The following PIP5K1A variants were observed in gnomAD, a reference collection of about 807,000 sequenced individuals.
PIP5K1A encodes the protein phosphatidylinositol 4-phosphate 5-kinase type-1 alpha.
PIP5K1A carries 46 observed loss-of-function variants against 72.9 expected under a neutral mutation model. That is an observed-to-expected ratio of 0.63 (90% CI 0.50 to 0.81). PIP5K1A has a LOEUF of 0.81. PIP5K1A is among the 30% of genes least tolerant of loss of function. PIP5K1A has a pLI of 0.00. For synonymous variants in PIP5K1A, 228 were observed against 255.1 expected (o/e 0.89, Z 1.01); for missense variants, 458 against 706.1 (o/e 0.65, Z 3.98).
At position 151,249,292 on chromosome 1, in the gene PIP5K1A, C is replaced by G. The variant is rs1692889780; in HGVS notation, c.*1427C>G. 2 of 151,582 alleles carry G rather than the reference C, an allele frequency of 1.3e-5. No homozygotes were observed. The highest frequency in any genetic ancestry group is 1.3e-4 in the Admixed American group (2 of 15,226). The allele number at this position is 151,582 out of a possible 1,614,324, so 9.4% of individuals were successfully genotyped here. A position where few individuals can be genotyped will look rare whatever the true frequency, so the allele number is the denominator to read the frequency against. Reference sequence around the variant, plus strand: ...TTTTACAAGAAGGAAAGAATTCTTGCTATTTTTTTTTCATAATTTACTATT... The same window carrying G: ...TTTTACAAGAAGGAAAGAATTCTTGGTATTTTTTTTTCATAATTTACTATT... On this transcript the variant is annotated 3_prime_UTR_variant, in exon 16 of 16. Transcript: ENST00000368888.
intron 7 of PIP5K1A, 94 bp downstream of exon 7, chr1:151,232,797 T>A (rs1229166499): frequency 8.7e-7 from 1 of 1,148,910 alleles, no homozygotes; most frequent in Non-Finnish European, 1.3e-6. Context: ...TGTCAGCACT[T>A]CTATCTTAAG....
Position 151,221,023 on chromosome 1 carries a change from A to G in PIP5K1A, c.86-3222A>G, listed in dbSNP as rs587643159. ...CTTTGCTTCTCAAGGCTCTTTTCTC[A>G]GAAATGTCTTTTTATGGTTTCTTTT... On this transcript the variant is annotated intron_variant, in intron 1 of 15. Coordinates refer to ENST00000368888, the MANE Select transcript of PIP5K1A (RefSeq NM_001135638.2). 3.9e-5 allele frequency among the ~76,000 whole-genome samples: 6 copies of G among 152,304 alleles called. No individual in the cohort carries two copies. The South Asian group carries it at 1.2e-3, about 32-fold the overall frequency.
intron 1 of PIP5K1A, among the ~76,000 whole-genome samples, chr1:151,212,940 G>C (rs903574715): frequency 1.5e-4 from 22 of 146,508 alleles, no homozygotes; most frequent in Admixed American, 2.8e-4. Context: ...GCCCAGGCTG[G>C]AGTGCAGTGG....
At chr1:151,211,246 G>A (rs587652104) in intron 1 of PIP5K1A, among the ~76,000 whole-genome samples, 1 of 152,182 alleles carries the variant, frequency 6.6e-6, no homozygotes, top group African/African-American at 2.4e-5. Context: ...CAGCACTTTG[G>A]GGGGCTGAGG....
intron 1 of PIP5K1A, among the ~76,000 whole-genome samples, chr1:151,208,760 T>G (rs1319302131): frequency 8.5e-6 from 1 of 117,838 alleles, no homozygotes; most frequent in African/African-American, 3.4e-5. Flanking sequence ...GGAGACGGAG[T>G]CTTGCTCTGT....
At chr1:151,239,420 G>A (rs1168560277) in intron 11 of PIP5K1A, among the ~76,000 whole-genome samples, 5 of 151,702 alleles carry the variant, frequency 3.3e-5, no homozygotes, top group African/African-American at 7.3e-5. Context: ...CCACAGGCGC[G>A]TGCCACCACG....
chr1:151,225,783 CTTTTTT>C (rs1438226810), intron 3 of PIP5K1A, among the ~76,000 whole-genome samples: 1 of 143,378 alleles, frequency 7.0e-6, no homozygotes, highest in African/African-American at 2.5e-5. Context: ...TTTCTTTTTT[CTTTTTT>C]TTTTTGAGAC....
In PIP5K1A at chr1:151,218,430, A is replaced by G. The variant is rs1372728255; in HGVS notation, c.86-5815A>G. On this transcript the variant is annotated intron_variant, in intron 1 of 15. Coordinates refer to ENST00000368888, the MANE Select transcript of PIP5K1A (RefSeq NM_001135638.2). ...AGGGGGTACCTTGAGGGAAGAATAT[A>G]TGTCTTCATATTGTCCATTAGCAAA... Among the ~76,000 whole-genome samples the G allele has an allele frequency of 3.3e-5, 5 of 152,148 alleles. 1 individual carries two copies. Among genetic ancestry groups the G allele is most frequent in the Non-Finnish European group, 5.9e-5 (4 of 68,026 alleles).
intron 1 of PIP5K1A, among the ~76,000 whole-genome samples, chr1:151,220,764 G>A (rs1436102859): frequency 2.0e-5 from 3 of 152,276 alleles, no homozygotes; most frequent in Non-Finnish European, 2.9e-5. Flanking sequence ...ACTTTACCTG[G>A]CCTATCACCT....
At chr1:151,208,718 G>GATT (rs1558240372) in intron 1 of PIP5K1A, among the ~76,000 whole-genome samples, 1 of 90,268 alleles carries the variant, frequency 1.1e-5, no homozygotes, top group Non-Finnish European at 2.2e-5. Flanking sequence ...GTAATGGTAC[G>GATT]CTTTTTTTTT....
At chr1:151,209,702 G>A (rs1686511880) in intron 1 of PIP5K1A, among the ~76,000 whole-genome samples, 1 of 151,684 alleles carries the variant, frequency 6.6e-6, no homozygotes, top group African/African-American at 2.4e-5. Flanking sequence ...GCCTCCCAAA[G>A]TGCTGGGATT....
chr1:151,216,028 G>A (rs587747560), intron 1 of PIP5K1A: 2 of 1,218,092 alleles, frequency 1.6e-6, no homozygotes, highest in Admixed American at 2.3e-5. Context: ...CTGTGCTAAA[G>A]AAGCATGAGC....
rs746855603 is a variant in PIP5K1A, at chr1:151,232,291, C to T, written c.412C>T (p.Arg138Cys). 4.1e-5 allele frequency: 66 copies of T among 1,613,982 alleles called. No homozygotes were observed. The highest frequency in any genetic ancestry group is 6.7e-5 in the East Asian group (3 of 44,896). The change falls in exon 6 of 16, where the codon CGT becomes TGT. Residue 138 changes from arginine to cysteine, a missense_variant. By Grantham distance (180) the Arg-to-Cys change is radical. This residue lies in a region of PIP5K1A where 220 missense variants were observed against 442.6 expected (regional missense o/e 0.50). Coordinates refer to ENST00000368888, the MANE Select transcript of PIP5K1A (RefSeq NM_001135638.2). ...LTPAHHYNDF[R>C]FKTYAPVAFR... ...CCCTGCTCATCACTACAATGACTTTCGTTTCAAGACCTATGCACCTGTTGC... is the reference window on the plus strand; with the variant it reads ...CCCTGCTCATCACTACAATGACTTTTGTTTCAAGACCTATGCACCTGTTGC...
At chr1:151,224,026 GGTCT>G in intron 1 of PIP5K1A, 2 of 572,996 alleles carry the variant, frequency 3.5e-6, no homozygotes. Context: ...ATAAGAAAGG[GGTCT>G]AGAATAAAAA....
intron 4 of PIP5K1A, among the ~76,000 whole-genome samples, chr1:151,228,099 G>A (rs1170091719): frequency 6.6e-6 from 1 of 151,982 alleles, no homozygotes; most frequent in Non-Finnish European, 1.5e-5. Context: ...AGCCCAGCCT[G>A]TTGATACAAA....
intron 1 of PIP5K1A, among the ~76,000 whole-genome samples, chr1:151,199,376 G>A (rs946949220): frequency 6.6e-6 from 1 of 152,170 alleles, no homozygotes; most frequent in Non-Finnish European, 1.5e-5. Flanking sequence ...ACTTTGGGAG[G>A]CCTTGGCGGG....
intron 4 of PIP5K1A, among the ~76,000 whole-genome samples, chr1:151,228,984 A>G (rs1244616547): frequency 6.6e-6 from 1 of 151,538 alleles, no homozygotes; most frequent in African/African-American, 2.4e-5. Flanking sequence ...CCTGACCAAC[A>G]TGGCAAAGCC....
intron 10 of PIP5K1A, 107 bp from the exon 11 acceptor site, chr1:151,239,023 T>C (rs936239554): frequency 1.3e-6 from 1 of 762,750 alleles, no homozygotes; most frequent in African/African-American, 1.8e-5. Flanking sequence ...TCTCAGCTTC[T>C]GTCTTTTCAA....
chr1:151,223,117 G>A (rs144103252), intron 1 of PIP5K1A, among the ~76,000 whole-genome samples: 25 of 152,030 alleles, frequency 1.6e-4, no homozygotes, highest in African/African-American at 5.3e-4. Flanking sequence ...TTGGGAGGCC[G>A]CGGTGGGTGG....
Sources: allele counts gnomAD v4.1 joint callset (sites outside exome capture counted in the v4.1 genomes callset), GRCh38; gene constraint gnomAD v4.1.1; regional missense constraint gnomAD v4.1.1; transcripts MANE v1.5; gene names NCBI Gene and HGNC (gene_info 2026-07-23, HGNC 2026-07-21).